The following SMG6 variants were observed in gnomAD, a reference collection of about 807,000 sequenced individuals.
SMG6 encodes telomerase-binding protein EST1A.
Under a neutral mutation model 142.2 loss-of-function variants are expected in SMG6, and 66 were observed. The observed-to-expected ratio is 0.46, with a 90% CI of 0.38 to 0.57. The LOEUF (loss-of-function observed/expected upper bound fraction) is 0.57, where lower values mean the gene tolerates loss of function less well. SMG6 is among the 20% of genes least tolerant of loss of function. The pLI is 0.00. For missense variants in SMG6, 1,793 were observed against 1,832.0 expected, an observed-to-expected ratio of 0.98 and a Z score of 0.39; for synonymous variants, 779 against 702.4, an observed-to-expected ratio of 1.11 and a Z score of -1.72.
chr17:2,165,770 T>C (rs2071317405), intron 13 of SMG6, among the ~76,000 whole-genome samples: 1 of 152,038 alleles, frequency 6.6e-6, no homozygotes, highest in African/African-American at 2.4e-5. Context: ...CCAGGTGAGG[T>C]GACGCTTGCC....
At chr17:2,230,881 C>G (rs566160575) in intron 10 of SMG6, among the ~76,000 whole-genome samples, 11 of 152,276 alleles carry the variant, frequency 7.2e-5, no homozygotes, top group African/African-American at 2.4e-4. Flanking sequence ...TTCATTTTCT[C>G]TAAACTGAGG....
intron 10 of SMG6, among the ~76,000 whole-genome samples, chr17:2,222,023 C>A (rs568080502): frequency 1.1e-4 from 16 of 152,310 alleles, no homozygotes; most frequent in African/African-American, 3.8e-4. Flanking sequence ...ACGTCGGCCA[C>A]GGCACCTGGC....
chr17:2,267,420 AC>A (rs1383143468), intron 8 of SMG6, among the ~76,000 whole-genome samples: 1 of 151,490 alleles, frequency 6.6e-6, no homozygotes, highest in African/African-American at 2.4e-5. Flanking sequence ...TCATGAATGA[AC>A]TCCTGGATTC....
rs780823712 is a variant in SMG6, at chr17:2,283,629, C to A, written c.2444G>T (p.Arg815Leu). 6.2e-7 allele frequency: 1 copy of A among 1,613,366 alleles called. No homozygotes were observed. The highest frequency in any genetic ancestry group is 1.3e-5 in the African/African-American group (1 of 75,024). Residue 815 changes from arginine to leucine, a missense_variant, in exon 7 of 19, where the codon CGG becomes CTG. Arg to Leu is a moderately radical substitution (Grantham distance 102, BLOSUM62 -2). Around this residue, in one of 3 missense-constraint regions of SMG6, gnomAD observed 1,597 missense variants for 1,584.6 expected, o/e 1.01. Transcript: ENST00000263073. ...SLMSLFEETK[R>L]KAEQMEKKQH... ...TTCTGCCACATCCCCACTCACCTTCCGCTTGGTCTCTTCAAACAAGCTCAT... is the reference window on the plus strand; with the variant it reads ...TTCTGCCACATCCCCACTCACCTTCAGCTTGGTCTCTTCAAACAAGCTCAT...
chr17:2,060,018 T>C lies in SMG6; in HGVS notation c.*1474A>G, dbSNP rs1191813357. 1 of 152,462 alleles carries C rather than the reference T, an allele frequency of 6.6e-6. No homozygotes were observed. Among genetic ancestry groups the C allele is most frequent in the African/African-American group, 2.4e-5 (1 of 41,442 alleles). The allele number at this position is 152,462 out of a possible 1,614,324, so 9.4% of individuals were successfully genotyped here. On this transcript the variant is annotated 3_prime_UTR_variant, in exon 19 of 19. Transcript: ENST00000263073. ...CAAAGAGCCCAGTCTTCTGAGACTC[T>C]AGGGGACTCCTACCCCCAAACTACT...
chr17:2,220,691 C>T (rs2073146610), intron 10 of SMG6, among the ~76,000 whole-genome samples: 2 of 152,178 alleles, frequency 1.3e-5, no homozygotes, highest in Admixed American at 6.5e-5. Context: ...AAAGTAATTG[C>T]ACTTTTTGCC....
chr17:2,184,363 G>C (rs1444793899), intron 12 of SMG6, among the ~76,000 whole-genome samples: 2 of 135,864 alleles, frequency 1.5e-5, no homozygotes, highest in Non-Finnish European at 3.2e-5. Flanking sequence ...ACTCTGGGGG[G>C]AAAAAAAAAA....
intron 6 of SMG6, among the ~76,000 whole-genome samples, chr17:2,284,697 T>C (rs2074865816): frequency 6.6e-6 from 1 of 152,206 alleles, no homozygotes; most frequent in South Asian, 2.1e-4. Flanking sequence ...CTAAGGTCAG[T>C]GCCTGAGTCT....
chr17:2,291,296 A>T (rs988435367), intron 6 of SMG6, among the ~76,000 whole-genome samples: 3 of 151,538 alleles, frequency 2.0e-5, no homozygotes, highest in Non-Finnish European at 4.4e-5. Context: ...GCGCCACTGC[A>T]CTCCAGCCTG....
intron 8 of SMG6, among the ~76,000 whole-genome samples, chr17:2,264,231 G>C (rs1370855156): frequency 6.6e-6 from 1 of 152,210 alleles, no homozygotes; most frequent in Admixed American, 6.5e-5. Context: ...GTACATTCCA[G>C]TTGGCTGGAA....
intron 13 of SMG6, chr17:2,127,857 G>A (rs1256778552): frequency 5.4e-6 from 3 of 555,988 alleles, no homozygotes; most frequent in East Asian, 9.3e-5. Context: ...GCTGAAGAGC[G>A]ATCTCCTGCT....
chr17:2,259,978 G>A (rs1485624003), intron 8 of SMG6, among the ~76,000 whole-genome samples: 3 of 152,216 alleles, frequency 2.0e-5, no homozygotes, highest in African/African-American at 7.2e-5. Flanking sequence ...CCTTGTGCGA[G>A]CTTCAGATTT....
At chr17:2,236,735 ACACACACACACACAC>A (rs2073670727) in intron 9 of SMG6, 98 bp from the exon 10 acceptor site, 17 of 1,304,520 alleles carry the variant, frequency 1.3e-5, no homozygotes, top group South Asian at 1.8e-5. Context: ...ACACACACAC[ACACACACACACACAC>A]ACCAGACAAC....
intron 15 of SMG6, among the ~76,000 whole-genome samples, chr17:2,076,505 T>C (rs898293221): frequency 3.3e-5 from 5 of 152,206 alleles, no homozygotes; most frequent in Non-Finnish European, 7.3e-5. Flanking sequence ...CCCGTGGTTC[T>C]GGGCAGGAAG....
intron 9 of SMG6, among the ~76,000 whole-genome samples, chr17:2,242,529 CAAA>C (rs577271256): frequency 7.0e-6 from 1 of 143,642 alleles, no homozygotes; most frequent in Admixed American, 6.9e-5. Context: ...GACTTCGTCT[CAAA>C]AAAAAAAGAT....
In SMG6 at chr17:2,286,954, CAG is replaced by C. The variant is rs1168870112; in HGVS notation, c.2338-3221_2338-3220del. ...TTTTTTTTTTTTTTTTTTTTTGAGACAGAGTCTCGCTCTGTCGCTCAGGCTGG... is the reference window on the plus strand; with the variant it reads ...TTTTTTTTTTTTTTTTTTTTTGAGACAGTCTCGCTCTGTCGCTCAGGCTGG... On this transcript the variant is annotated intron_variant, in intron 6 of 18. Transcript: ENST00000263073. Among the ~76,000 whole-genome samples the C allele has an allele frequency of 3.5e-5, 4 of 113,942 alleles. No homozygotes were observed. In the Admixed American group the frequency reaches 4.7e-4, roughly 13 times the overall value. The allele number at this position is 113,942 out of a possible 152,430, so 74.8% of individuals were successfully genotyped here.
At chr17:2,102,497 C>T (rs2069036236) in intron 13 of SMG6, among the ~76,000 whole-genome samples, 1 of 149,844 alleles carries the variant, frequency 6.7e-6, no homozygotes, top group East Asian at 2.0e-4. Flanking sequence ...GCTGGGACTA[C>T]AGGCGTGGAC....
intron 10 of SMG6, among the ~76,000 whole-genome samples, chr17:2,201,121 T>C (rs1217844383): frequency 3.3e-5 from 5 of 152,154 alleles, no homozygotes; most frequent in Non-Finnish European, 4.4e-5. Context: ...GAGAAAATAA[T>C]TGTAAAAGAT....
chr17:2,261,288 T>C (rs540002999), intron 8 of SMG6, among the ~76,000 whole-genome samples: 39 of 149,828 alleles, frequency 2.6e-4, no homozygotes, highest in African/African-American at 9.1e-4. Context: ...CATTCTAGCC[T>C]GGGTGACAGA....
Sources: gnomAD v4.1 joint callset for allele counts (sites outside exome capture counted in the v4.1 genomes callset) on GRCh38, gnomAD v4.1.1 for gene constraint, gnomAD v4.1.1 regional missense constraint, MANE v1.5 for transcripts, NCBI Gene and HGNC (gene_info 2026-07-23, HGNC 2026-07-21) for gene names.